The following DPYSL3 variants were observed in gnomAD, a reference collection of about 807,000 sequenced individuals.
DPYSL3 encodes the protein dihydropyrimidinase like 3, also known as dihydropyrimidinase-related protein 3.
A neutral mutation model predicts 66.1 loss-of-function variants in DPYSL3; 16 were observed. That is an observed-to-expected ratio of 0.24 (90% CI 0.16 to 0.37). The LOEUF (loss-of-function observed/expected upper bound fraction) is 0.37, where lower values mean the gene tolerates loss of function less well. Ranked by LOEUF, DPYSL3 falls within the 10% of genes least tolerant of loss-of-function variation. DPYSL3 has a pLI of 1.00. For missense variants in DPYSL3, 738 were observed against 916.2 expected, an observed-to-expected ratio of 0.81 and a Z score of 2.51; for synonymous variants, 338 against 345.1, an observed-to-expected ratio of 0.98 and a Z score of 0.23.
Position 147,509,103 on chromosome 5 carries a change from G to T in DPYSL3, c.381+375C>A, listed in dbSNP as rs72833367. Among the ~76,000 whole-genome samples the T allele has an allele frequency of 3.9e-5, 6 of 152,198 alleles. No individual in the cohort carries two copies. The highest frequency in any genetic ancestry group is 1.9e-4 in the East Asian group (1 of 5,154). ...GTTGAGATTTAATCTAGGGCCAGAGGGGGGCAAGACAATTGTGCTGTTGGC... is the reference window on the plus strand; with the variant it reads ...GTTGAGATTTAATCTAGGGCCAGAGTGGGGCAAGACAATTGTGCTGTTGGC... On this transcript the variant is annotated intron_variant, in intron 1 of 13. Transcript: ENST00000343218. This position sits in a 1 kb window ranked among gnomAD's most constrained non-coding sequence, Gnocchi z 5.3.
At chr5:147,404,005 G>A (rs190458572) in intron 8 of DPYSL3, among the ~76,000 whole-genome samples, 10 of 152,118 alleles carry the variant, frequency 6.6e-5, no homozygotes, top group African/African-American at 2.2e-4. Context: ...AATGGGTCCC[G>A]GGCAGAATGC....
chr5:147,503,237 C>T (rs1753640661), intron 1 of DPYSL3, among the ~76,000 whole-genome samples: 2 of 152,124 alleles, frequency 1.3e-5, no homozygotes, highest in Non-Finnish European at 2.9e-5. Flanking sequence ...GGAAAACAAC[C>T]ATAATTTATA....
rs1757849890 is a variant in DPYSL3 at position 147,392,736 on chromosome 5, C to T, written c.*1299G>A. The T allele has an allele frequency of 6.6e-6, 1 of 152,186 alleles. No homozygotes were observed. The allele number at this position is 152,186 out of a possible 1,614,324, so 9.4% of individuals were successfully genotyped here. On this transcript the variant is annotated 3_prime_UTR_variant, in exon 14 of 14. Transcript: ENST00000343218. ...GAGGAAGACTGCATCATGTCACTTC[C>T]ACTCACTTGGGGAGATTCTAGGACT...
intron 1 of DPYSL3, among the ~76,000 whole-genome samples, chr5:147,474,935 T>C (rs1428229378): frequency 6.6e-6 from 1 of 152,056 alleles, no homozygotes; most frequent in Non-Finnish European, 1.5e-5. Context: ...TGGATTTTCA[T>C]AGATTAGGTT....
chr5:147,426,746 A>G (rs888807506), intron 1 of DPYSL3, among the ~76,000 whole-genome samples: 7 of 152,214 alleles, frequency 4.6e-5, no homozygotes, highest in African/African-American at 1.4e-4. Context: ...AGGGCCAGAG[A>G]ATGAGATTTG....
intron 2 of DPYSL3, 30 bp from the exon 3 acceptor site, chr5:147,418,661 C>T (rs1407831762): frequency 2.6e-6 from 4 of 1,550,254 alleles, no homozygotes; most frequent in Non-Finnish European, 3.5e-6. Flanking sequence ...AAAAAATGAT[C>T]AAACACTTGG....
chr5:147,407,287 A>G (rs956299321), intron 7 of DPYSL3, among the ~76,000 whole-genome samples: 5 of 152,104 alleles, frequency 3.3e-5, no homozygotes, highest in African/African-American at 1.2e-4. Context: ...ACTTCACCCA[A>G]ATGGCCTTCC....
intron 13 of DPYSL3, 91 bp downstream of exon 13, chr5:147,395,468 A>T: frequency 6.8e-7 from 1 of 1,479,622 alleles, no homozygotes. Context: ...AAACTCCTTC[A>T]GGTTGAGTTC....
chr5:147,430,312 A>G (rs1752285207), intron 1 of DPYSL3, among the ~76,000 whole-genome samples: 1 of 152,058 alleles, frequency 6.6e-6, no homozygotes, highest in Non-Finnish European at 1.5e-5. Flanking sequence ...CCTGGCCAAC[A>G]TGGTGAAACC....
At chr5:147,485,940 G>A (rs1434078835) in intron 1 of DPYSL3, among the ~76,000 whole-genome samples, 1 of 152,076 alleles carries the variant, frequency 6.6e-6, no homozygotes, top group Non-Finnish European at 1.5e-5. Context: ...AACCAAAAAT[G>A]GAAACAACCC....
chr5:147,402,639 G>C (rs1202592380), intron 8 of DPYSL3, among the ~76,000 whole-genome samples: 1 of 135,626 alleles, frequency 7.4e-6, no homozygotes, highest in African/African-American at 3.8e-5. Context: ...GAGCCACCGC[G>C]CCCGGCCTAT....
In DPYSL3 at chr5:147,446,583, C is replaced by T. The variant is rs1005119263; in HGVS notation, c.382-21620G>A. ...TGGGTGTGTCCTGTTAATGTTTCTC[C>T]GCGTGACTGAAGGGAAACAGACAGC... On this transcript the variant is annotated intron_variant, in intron 1 of 13. Coordinates refer to ENST00000343218, the MANE Select transcript of DPYSL3 (RefSeq NM_001197294.2). Among the ~76,000 whole-genome samples the T allele has an allele frequency of 1.3e-5, 2 of 152,112 alleles. 1 individual carries two copies. The highest frequency in any genetic ancestry group is 4.8e-5 in the African/African-American group (2 of 41,414).
rs1161192754 is a variant in DPYSL3 at position 147,441,915 on chromosome 5, A to G, written c.382-16952T>C. 5.3e-5 allele frequency among the ~76,000 whole-genome samples: 8 copies of G among 152,192 alleles called. No individual in the cohort carries two copies. The East Asian group carries it at 1.5e-3, about 29-fold the overall frequency. ...ACCTTCTTTGTGGAATAAACCCAGG[A>G]TGAAGTCCCTAGAAGCAGATTATAT... On this transcript the variant is annotated intron_variant, in intron 1 of 13. Coordinates refer to ENST00000343218, the MANE Select transcript of DPYSL3 (RefSeq NM_001197294.2).
chr5:147,437,121 C>A (rs563539674), intron 1 of DPYSL3, among the ~76,000 whole-genome samples: 48 of 152,308 alleles, frequency 3.2e-4, no homozygotes, highest in Admixed American at 2.7e-3. Context: ...TGATCCCCTT[C>A]GCCTTTCCAA....
Position 147,400,793 on chromosome 5 carries a change from T to C in DPYSL3, c.1351A>G (p.Ser451Gly). The stretch of plus-strand genomic sequence containing the variant: ...TTCCCAATTGCTTTCTGGGCAGTGC[T>C]GAAGGTGCAGTGGGCACTCCCAGAT... ...QLSGSAHCTF[S>G]TAQKAIGKDN... Residue 451 changes from serine (S) to glycine (G), a missense_variant, in exon 10 of 14, where the codon AGC (serine) becomes GGC (glycine). Transcript: ENST00000343218. 6.2e-7 allele frequency: 1 copy of C among 1,614,170 alleles called. No homozygotes were observed. Among genetic ancestry groups the C allele is most frequent in the Non-Finnish European group, 8.5e-7 (1 of 1,180,012 alleles).
At position 147,412,599 on chromosome 5, in the gene DPYSL3, C is replaced by A. The variant is rs2288801; in HGVS notation, c.963+9G>T. The A allele has an allele frequency of 1.2e-6, 2 of 1,609,908 alleles. No individual in the cohort carries two copies. The highest frequency in any genetic ancestry group is 2.7e-5 in the African/African-American group (2 of 74,830). ...CCAAAGCACGCTCCAGGGAGCTGCACGGTGTTACCTGGGCAATGATATCCC... is the reference window on the plus strand; with the variant it reads ...CCAAAGCACGCTCCAGGGAGCTGCAAGGTGTTACCTGGGCAATGATATCCC... On this transcript the variant is annotated intron_variant, in intron 6 of 13. Coordinates refer to ENST00000343218, the MANE Select transcript of DPYSL3 (RefSeq NM_001197294.2).
chr5:147,414,012 C>T (rs1751913109), intron 4 of DPYSL3, among the ~76,000 whole-genome samples: 1 of 152,172 alleles, frequency 6.6e-6, no homozygotes, highest in Non-Finnish European at 1.5e-5. Flanking sequence ...TGTTCATACC[C>T]TGGGGGCTGC....
intron 1 of DPYSL3, among the ~76,000 whole-genome samples, chr5:147,430,724 G>C (rs1752299091): frequency 6.6e-6 from 1 of 152,080 alleles, no homozygotes; most frequent in Non-Finnish European, 1.5e-5. Flanking sequence ...CTCCATTTTA[G>C]TTTTCCTCCC....
rs1751953886 is a variant in DPYSL3, at chr5:147,415,778, G to A, written c.751C>T (p.Leu251=). The change falls in exon 4 of 14, where the codon CTG becomes TTG. Residue 251 remains leucine (L), a synonymous_variant. Coordinates refer to ENST00000343218, the MANE Select transcript of DPYSL3 (RefSeq NM_001197294.2). ...ADGKSCCDYA[L]HVDITHWNDS... ...TTCCAGTGGGTGATGTCCACATGCA[G>A]GGCATAGTCACAGCAACTCTTCCCA... 6.2e-7 allele frequency: 1 copy of A among 1,614,052 alleles called. No individual in the cohort carries two copies. Among genetic ancestry groups the A allele is most frequent in the South Asian group, 1.1e-5 (1 of 91,068 alleles).
Sources: gnomAD v4.1 joint callset for allele counts (sites outside exome capture counted in the v4.1 genomes callset) on GRCh38, gnomAD v4.1.1 for gene constraint, Gnocchi (gnomAD v3.1) non-coding constraint, MANE v1.5 for transcripts, NCBI Gene and HGNC (gene_info 2026-07-23, HGNC 2026-07-21) for gene names.